ATRIP: variants seen among roughly 807,000 people sequenced by gnomAD.
ATRIP encodes ATR-interacting protein.
A neutral mutation model predicts 78.1 loss-of-function variants in ATRIP; 44 were observed. The observed-to-expected ratio is 0.56, with a 90% CI of 0.44 to 0.72. ATRIP has a LOEUF of 0.72. Among genes scored for constraint, ATRIP ranks in the 30% least tolerant of loss-of-function variants. The probability of loss-of-function intolerance (pLI) is 0.00; values close to 1 mark genes in which losing one functional copy is unlikely to be tolerated. For synonymous variants in ATRIP, 388 were observed against 408.9 expected (o/e 0.95, Z 0.62); for missense variants, 927 against 980.2 (o/e 0.95, Z 0.72).
Position 48,467,488 on chromosome 3 carries a change from A to T in ATRIP, c.*1934A>T, listed in dbSNP as rs2040383072. On this transcript the variant is annotated 3_prime_UTR_variant, in exon 13 of 13. Transcript: ENST00000320211. ...ACCAAGGATCTTCCTCCAGTGAAGG[A>T]CCCTGGAGCCCTATCCAGGGAGGGG... is the stretch of plus-strand genomic sequence containing the variant. 1.2e-6 allele frequency: 2 copies of T among 1,613,862 alleles called. No homozygotes were observed. The highest frequency in any genetic ancestry group is 1.3e-5 in the African/African-American group (1 of 74,880).
Position 48,446,762 on chromosome 3 carries a change from G to C in ATRIP, c.-84G>C, listed in dbSNP as rs2039680690. ...ACTCGCGGCGGAGGCAAGCGGCGGC[G>C]CGCGGACGGTTGGTCCAGTTCTCCG... On this transcript the variant is annotated 5_prime_UTR_variant, in exon 1 of 13. Transcript: ENST00000320211. 11 of 1,321,838 alleles carry C rather than the reference G, an allele frequency of 8.3e-6. No individual in the cohort carries two copies. In the South Asian group the frequency reaches 2.9e-4, roughly 35 times the overall value. 81.9% of individuals were successfully genotyped at this position (1,321,838 alleles called of 1,614,324 possible). A position where few individuals can be genotyped will look rare whatever the true frequency, so the allele number is the denominator to read the frequency against.
Position 48,465,071 on chromosome 3 carries a change from A to C in ATRIP, c.2296A>C (p.Thr766Pro). The change falls in exon 12 of 13, where the codon ACG becomes CCG. Residue 766 changes from threonine (T) to proline (P), a missense_variant. By Grantham distance (38) the Thr-to-Pro change is conservative. Transcript: ENST00000320211. ...SMLIRGLPDV[T>P]DCEEAALDDL... ...GCTCATCCGAGGGCTTCCTGATGTG[A>C]CGGACTGTGAAGGTAAGCCTGCCAG... 1.2e-6 allele frequency: 2 copies of C among 1,609,382 alleles called. No individual in the cohort carries two copies. Among genetic ancestry groups the C allele is most frequent in the Non-Finnish European group, 1.7e-6 (2 of 1,176,478 alleles).
chr3:48,462,366 T>C (rs1244715530), intron 8 of ATRIP, among the ~76,000 whole-genome samples: 1 of 152,052 alleles, frequency 6.6e-6, no homozygotes, highest in East Asian at 1.9e-4. Flanking sequence ...GCTGGGCATT[T>C]ATCTATTTCA....
At position 48,464,750 on chromosome 3, in the gene ATRIP, G is replaced by T. The variant is rs564694283; in HGVS notation, c.2056-81G>T. 1.9e-6 allele frequency: 3 copies of T among 1,606,770 alleles called. No homozygotes were observed. In the East Asian group the frequency reaches 6.7e-5, roughly 36 times the overall value. ...TAGGCCCCACTGCAAACCCCCTCAC[G>T]TGAGGTGGCTAGGCTGAGCGGATTG... On this transcript the variant is annotated intron_variant, in intron 11 of 12. Coordinates refer to ENST00000320211, the MANE Select transcript of ATRIP (RefSeq NM_130384.3).
rs142430607 is a variant in ATRIP, at chr3:48,462,564, G to A, written c.1746-1181G>A. ...TAAAAATACAAAAAAGTAGCTGGGC[G>A]TGGTGGCAGGCACCTGTAGTCCCAG... is the stretch of plus-strand genomic sequence containing the variant. On this transcript the variant is annotated intron_variant, in intron 8 of 12. Transcript: ENST00000320211. Among the ~76,000 whole-genome samples the A allele has an allele frequency of 5.9e-4, 90 of 152,152 alleles. No homozygotes were observed. The East Asian group carries it at 0.017, about 28-fold the overall frequency.
chr3:48,464,777 T>G, intron 11 of ATRIP, 54 bp from the exon 12 acceptor site: 2 of 1,601,682 alleles, frequency 1.2e-6, no homozygotes, highest in South Asian at 1.1e-5. Flanking sequence ...AGCGGATTGT[T>G]AGGGTGCAGG....
intron 2 of ATRIP, 102 bp downstream of exon 2, chr3:48,450,272 A>C (rs1367663231): frequency 1.4e-6 from 2 of 1,380,916 alleles, no homozygotes; most frequent in African/African-American, 2.9e-5. Flanking sequence ...AAGTGTCTAG[A>C]TTCATCCCTA....
At position 48,464,636 on chromosome 3, in the gene ATRIP, G is replaced by A. The variant is rs773807333; in HGVS notation, c.2029G>A (p.Gly677Ser). The change falls in exon 11 of 13, where the codon GGC (glycine) becomes AGC (serine). Residue 677 changes from glycine to serine, a missense_variant. Physicochemically the swap from Gly to Ser is moderately conservative, Grantham distance 56. Coordinates refer to ENST00000320211, the MANE Select transcript of ATRIP (RefSeq NM_130384.3). Reference sequence around the variant, plus strand: ...GCAGAGCCCCTTGCCCCCAGTCACTGGCTCCAACTGCCAGTGTAATGTGGA... The same window carrying A: ...GCAGAGCCCCTTGCCCCCAGTCACTAGCTCCAACTGCCAGTGTAATGTGGA... ...GVQSPLPPVT[G>S]SNCQCNVEVV... The A allele has an allele frequency of 1.9e-6, 3 of 1,614,162 alleles. No homozygotes were observed. In the Admixed American group the frequency reaches 5.0e-5, roughly 27 times the overall value.
intron 8 of ATRIP, among the ~76,000 whole-genome samples, 171 bp from the exon 9 acceptor site, chr3:48,463,574 T>C (rs2040177138): frequency 6.6e-6 from 1 of 152,098 alleles, no homozygotes; most frequent in Non-Finnish European, 1.5e-5. Flanking sequence ...GAAACAAGTT[T>C]CATAGCAAGT....
intron 4 of ATRIP, 65 bp downstream of exon 4, chr3:48,454,483 G>A: frequency 1.6e-6 from 2 of 1,258,914 alleles, no homozygotes; most frequent in East Asian, 2.4e-5. Context: ...GCATAACAGT[G>A]TCAGGCTGGT....
chr3:48,449,959 A>AG (rs2039792453), intron 1 of ATRIP, 78 bp from the exon 2 acceptor site: 2 of 1,424,080 alleles, frequency 1.4e-6, no homozygotes, highest in African/African-American at 2.9e-5. Context: ...AAAAAAAAAA[A>AG]GTGGGTATTT....
At chr3:48,465,457 C>T (rs548746400) in intron 12 of ATRIP, 30 bp from the exon 13 acceptor site, 125 of 1,609,476 alleles carry the variant, frequency 7.8e-5, no homozygotes, top group Admixed American at 2.0e-4. Context: ...CCTTTGGGCC[C>T]TCACCAGGAA....
chr3:48,463,603 C>CA (rs2107236111), intron 8 of ATRIP, 142 bp from the exon 9 acceptor site: 1 of 1,150,356 alleles, frequency 8.7e-7, no homozygotes, highest in African/African-American at 1.6e-5. Flanking sequence ...GTCAGGCCAG[C>CA]ACTGAAACCC....
In ATRIP at chr3:48,466,845, G is replaced by A; in HGVS notation, c.*1291G>A. The A allele has an allele frequency of 6.2e-7, 1 of 1,613,966 alleles. No homozygotes were observed. The highest frequency in any genetic ancestry group is 8.5e-7 in the Non-Finnish European group (1 of 1,180,044). On this transcript the variant is annotated 3_prime_UTR_variant, in exon 13 of 13. Transcript: ENST00000320211. ...CACAGTTCCTCCACCACCGCGTGTG[G>A]TAGACAAGCTCTCCCTGTGTGTGGC... is the stretch of plus-strand genomic sequence containing the variant.
rs1210896425 is a variant in ATRIP, at chr3:48,466,264, A to G, written c.*710A>G. 4.9e-6 allele frequency: 3 copies of G among 616,718 alleles called. No individual in the cohort carries two copies. Among genetic ancestry groups the G allele is most frequent in the Non-Finnish European group, 8.7e-6 (3 of 346,494 alleles). 38.2% of individuals were successfully genotyped at this position (616,718 alleles called of 1,614,324 possible). On this transcript the variant is annotated 3_prime_UTR_variant, in exon 13 of 13. Coordinates refer to ENST00000320211, the MANE Select transcript of ATRIP (RefSeq NM_130384.3). Reference sequence around the variant, plus strand: ...CACTGCTGCCAGCGAGAGCCGCGGGAGAGTGTGCAGCCGAGTCACTACTGC... The same window carrying G: ...CACTGCTGCCAGCGAGAGCCGCGGGGGAGTGTGCAGCCGAGTCACTACTGC...
At chr3:48,459,479 C>T in intron 6 of ATRIP, 25 bp downstream of exon 6, 1 of 1,598,620 alleles carries the variant, frequency 6.3e-7, no homozygotes, top group Non-Finnish European at 8.6e-7. Flanking sequence ...GCTTCTCCTG[C>T]AGGGGCCTGC....
In ATRIP at chr3:48,464,676, G is replaced by A. The variant is rs750999002; in HGVS notation, c.2055+14G>A. On this transcript the variant is annotated intron_variant, in intron 11 of 12. Transcript: ENST00000320211. ...TGTAATGTGGAGGTGAGTGGGTAGG[G>A]GCCAACAGCTGGCAGCTCTGGTGGT... 6.2e-7 allele frequency: 1 copy of A among 1,614,038 alleles called. No homozygotes were observed. Among genetic ancestry groups the A allele is most frequent in the Non-Finnish European group, 8.5e-7 (1 of 1,179,996 alleles).
Position 48,460,204 on chromosome 3 carries a change from A to G in ATRIP, c.1150A>G (p.Thr384Ala). Residue 384 changes from threonine to alanine, a missense_variant, in exon 8 of 13, where the codon ACT becomes GCT. Physicochemically the swap from Thr to Ala is moderately conservative, Grantham distance 58 (BLOSUM62 0). Transcript: ENST00000320211. ...ALREAQNLAF[T>A]GLNLVARNEC... Reference sequence around the variant, plus strand: ...GAGAGAAGCACAGAACCTGGCATTCACTGGACTGAATCTGGTTGCCCGGAA... The same window carrying G: ...GAGAGAAGCACAGAACCTGGCATTCGCTGGACTGAATCTGGTTGCCCGGAA... 1 of 1,614,160 alleles carries G rather than the reference A, an allele frequency of 6.2e-7. No individual in the cohort carries two copies. The highest frequency in any genetic ancestry group is 1.1e-5 in the South Asian group (1 of 91,084).
At position 48,467,567 on chromosome 3, in the gene ATRIP, G is replaced by A. The variant is rs3135945; in HGVS notation, c.*2013G>A. 11,431 of 1,613,512 alleles carry A rather than the reference G, an allele frequency of 7.1e-3. 713 individuals are homozygous for A. In the African/African-American group the frequency reaches 0.13, roughly 19 times the overall value. On this transcript the variant is annotated 3_prime_UTR_variant, in exon 13 of 13. Coordinates refer to ENST00000320211, the MANE Select transcript of ATRIP (RefSeq NM_130384.3). ...TCCTGACCTTGGCAGTAGCCACACTGTATGGACTATCCCTGGCCACACCTG... is the reference window on the plus strand; with the variant it reads ...TCCTGACCTTGGCAGTAGCCACACTATATGGACTATCCCTGGCCACACCTG...
Sources: gnomAD v4.1 joint callset for allele counts (sites outside exome capture counted in the v4.1 genomes callset) on GRCh38, gnomAD v4.1.1 for gene constraint, MANE v1.5 for transcripts, NCBI Gene and HGNC (gene_info 2026-07-23, HGNC 2026-07-21) for gene names.